The following IMMP2L variants were observed in gnomAD, a reference collection of about 807,000 sequenced individuals.
IMMP2L encodes mitochondrial inner membrane protease subunit 2.
A neutral mutation model predicts 19.3 loss-of-function variants in IMMP2L; 18 were observed. The ratio of observed to expected loss-of-function variants is 0.93; its 90% CI spans 0.64 to 1.38. The LOEUF (loss-of-function observed/expected upper bound fraction) is 1.38. IMMP2L is among the 40% of genes most tolerant of loss of function. IMMP2L has a pLI of 0.00. For synonymous variants in IMMP2L, 76 were observed against 73.0 expected (o/e 1.04, Z -0.21); for missense variants, 233 against 218.2 (o/e 1.07, Z -0.43).
At chr7:110,690,119 C>T (rs62463974) in intron 5 of IMMP2L, among the ~76,000 whole-genome samples, 29,033 of 152,078 alleles carry the variant, frequency 0.19, 3,106 homozygotes, top group Admixed American at 0.26. Flanking sequence ...TATCGTGGCA[C>T]CCACTCACCC....
At chr7:111,481,285 T>C (rs1337491741) in intron 3 of IMMP2L, among the ~76,000 whole-genome samples, 6 of 152,172 alleles carry the variant, frequency 3.9e-5, no homozygotes, top group African/African-American at 1.4e-4. Context: ...AATGACTTCT[T>C]TGGTGAGAAT....
chr7:111,150,059 T>A (rs931260802), intron 3 of IMMP2L, among the ~76,000 whole-genome samples: 2 of 152,162 alleles, frequency 1.3e-5, no homozygotes, highest in Non-Finnish European at 2.9e-5. Context: ...TTATTTGACT[T>A]TGTCATGTCT....
intron 5 of IMMP2L, among the ~76,000 whole-genome samples, chr7:110,859,743 C>T (rs1021121371): frequency 6.9e-6 from 1 of 145,688 alleles, no homozygotes; most frequent in African/African-American, 2.6e-5. Flanking sequence ...GAGTGAGACC[C>T]TGTCTCAAAA....
chr7:110,891,390 T>C (rs1810782706), intron 4 of IMMP2L, among the ~76,000 whole-genome samples: 1 of 152,194 alleles, frequency 6.6e-6, no homozygotes, highest in African/African-American at 2.4e-5. Context: ...ACTACTTGGG[T>C]AGTCTGACAA....
intron 3 of IMMP2L, among the ~76,000 whole-genome samples, chr7:111,142,083 T>C (rs1417578544): frequency 6.6e-6 from 1 of 152,118 alleles, no homozygotes; most frequent in Non-Finnish European, 1.5e-5. Context: ...ACCACCACTT[T>C]AGGAGGCCAA....
intron 5 of IMMP2L, among the ~76,000 whole-genome samples, chr7:110,782,937 C>G (rs1323588209): frequency 6.6e-6 from 1 of 151,720 alleles, no homozygotes; most frequent in Non-Finnish European, 1.5e-5. Flanking sequence ...AATCCTGAAG[C>G]CCAATAAAAT....
intron 5 of IMMP2L, among the ~76,000 whole-genome samples, chr7:110,834,956 G>C (rs909495481): frequency 6.6e-6 from 1 of 152,128 alleles, no homozygotes; most frequent in African/African-American, 2.4e-5. Context: ...CAGAAGAATG[G>C]ATGCCAGGTA....
At chr7:110,726,526 A>G (rs918282253) in intron 5 of IMMP2L, among the ~76,000 whole-genome samples, 2 of 152,228 alleles carry the variant, frequency 1.3e-5, no homozygotes, top group Non-Finnish European at 2.9e-5. Context: ...AACCAGTTAC[A>G]CAATTCTAAA....
intron 1 of IMMP2L, among the ~76,000 whole-genome samples, chr7:111,552,572 G>C (rs897251025): frequency 6.6e-6 from 1 of 152,140 alleles, no homozygotes; most frequent in African/African-American, 2.4e-5. Flanking sequence ...ACAGGTGTGA[G>C]CCACCATCAC....
intron 3 of IMMP2L, among the ~76,000 whole-genome samples, chr7:111,278,144 T>C (rs1819305123): frequency 6.6e-6 from 1 of 152,110 alleles, no homozygotes; most frequent in African/African-American, 2.4e-5. Flanking sequence ...ATTTGGGTGA[T>C]GGGTACACTG....
chr7:110,840,809 A>G (rs1044240310), intron 5 of IMMP2L, among the ~76,000 whole-genome samples: 1 of 152,082 alleles, frequency 6.6e-6, no homozygotes, highest in Non-Finnish European at 1.5e-5. Context: ...TTTCTATATA[A>G]TATTTGTTTT....
chr7:111,513,016 A>C lies in IMMP2L; in HGVS notation c.135+8297T>G, dbSNP rs73426254. 2.9e-3 allele frequency among the ~76,000 whole-genome samples: 444 copies of C among 152,188 alleles called. 3 individuals are homozygous for C. Among genetic ancestry groups the C allele is most frequent in the African/African-American group, 0.01 (422 of 41,554 alleles). On this transcript the variant is annotated intron_variant, in intron 2 of 5. Transcript: ENST00000405709. ...CTACCTGAAACTGTAAAACTACTAG[A>C]AGAAAACATAGGGAGAAAAGCTCCA... is the stretch of plus-strand genomic sequence containing the variant.
chr7:111,319,476 G>T (rs905511722), intron 3 of IMMP2L, among the ~76,000 whole-genome samples: 1 of 152,008 alleles, frequency 6.6e-6, no homozygotes, highest in Non-Finnish European at 1.5e-5. Context: ...GTGAGATGGT[G>T]GGAAGAGATT....
chr7:110,773,827 C>CTTTT (rs5886574), intron 5 of IMMP2L, among the ~76,000 whole-genome samples: 1 of 135,790 alleles, frequency 7.4e-6, no homozygotes, highest in African/African-American at 2.7e-5. Flanking sequence ...ATAGTCTATT[C>CTTTT]TTTTTTTTTT....
At chr7:111,443,854 A>G (rs1424207236) in intron 3 of IMMP2L, among the ~76,000 whole-genome samples, 1 of 152,096 alleles carries the variant, frequency 6.6e-6, no homozygotes, top group Non-Finnish European at 1.5e-5. Context: ...TTAAAAAAGA[A>G]GGAATTTGAT....
chr7:111,239,607 A>C (rs1814757343), intron 3 of IMMP2L, among the ~76,000 whole-genome samples: 1 of 151,976 alleles, frequency 6.6e-6, no homozygotes, highest in Admixed American at 6.6e-5. Context: ...TATCAACCTG[A>C]TAAGACCAAT....
At chr7:110,950,469 T>C (rs1310285815) in intron 4 of IMMP2L, among the ~76,000 whole-genome samples, 1 of 152,022 alleles carries the variant, frequency 6.6e-6, no homozygotes, top group Non-Finnish European at 1.5e-5. Flanking sequence ...GGGTACACTG[T>C]TGGTTAGAAT....
At chr7:111,122,983 A>G in intron 3 of IMMP2L, 1 of 1,614,066 alleles carries the variant, frequency 6.2e-7, no homozygotes, top group Non-Finnish European at 8.5e-7. Flanking sequence ...GCCAGCTAAC[A>G]CACAGATTCT....
At chr7:110,962,852 G>A (rs1339210505) in intron 4 of IMMP2L, 1 of 1,294,326 alleles carries the variant, frequency 7.7e-7, no homozygotes, top group Non-Finnish European at 9.8e-7. Flanking sequence ...CTACCACATT[G>A]TATAGGCCTG....
Sources: gnomAD v4.1 joint callset for allele counts (sites outside exome capture counted in the v4.1 genomes callset) on GRCh38, gnomAD v4.1.1 for gene constraint, MANE v1.5 for transcripts, NCBI Gene and HGNC (gene_info 2026-07-23, HGNC 2026-07-21) for gene names.